The following SPATA20 variants were observed in gnomAD, a reference collection of about 807,000 sequenced individuals.
The protein encoded by SPATA20 is spermatogenesis-associated protein 20.
In SPATA20, 74 loss-of-function variants were observed where a neutral mutation model predicts 98.9. The ratio of observed to expected loss-of-function variants is 0.75; its 90% CI spans 0.62 to 0.91. The LOEUF is 0.91. Ranked by LOEUF, SPATA20 falls within the 40% of genes least tolerant of loss-of-function variation. The pLI, the probability that SPATA20 is intolerant of heterozygous loss-of-function variation, is 0.00. For synonymous variants in SPATA20, 430 were observed against 440.5 expected, an observed-to-expected ratio of 0.98 and a Z score of 0.30; for missense variants, 1,016 against 1,069.8, an observed-to-expected ratio of 0.95 and a Z score of 0.70.
In SPATA20 at chr17:50,551,663, G is replaced by A. The variant is rs1372235359; in HGVS notation, c.1729G>A (p.Gly577Arg). 1 of 1,590,852 alleles carries A rather than the reference G, an allele frequency of 6.3e-7. No individual in the cohort carries two copies. The highest frequency in any genetic ancestry group is 1.1e-5 in the South Asian group (1 of 90,596). Residue 577 changes from glycine to arginine, a missense_variant, in exon 13 of 17, where the codon GGG becomes AGG. Coordinates refer to ENST00000006658, the MANE Select transcript of SPATA20 (RefSeq NM_022827.4). ...LMRTCYTGPG[G>R]TVEHSNPPCW... is the part of the protein sequence containing the mutation. ...GCGGACCTGCTACACCGGCCCTGGG[G>A]GGACTGTGGAGCACAGGTTGGGGGC...
chr17:50,551,133 G>A lies in SPATA20; in HGVS notation c.1519G>A (p.Ala507Thr). Reference protein sequence around the residue: ...LNSGLEKLFQARKHRPKPHLD... With the variant: ...LNSGLEKLFQTRKHRPKPHLD... Reference sequence around the variant, plus strand: ...TTCAGGGCTGGAGAAGCTCTTCCAGGCCCGGAAGCATCGGCCCAAGCCGCA... The same window carrying A: ...TTCAGGGCTGGAGAAGCTCTTCCAGACCCGGAAGCATCGGCCCAAGCCGCA... The change falls in exon 12 of 17, where the codon GCC (alanine) becomes ACC (threonine). Residue 507 changes from alanine (A) to threonine (T), a missense_variant. Transcript: ENST00000006658. The A allele has an allele frequency of 6.2e-7, 1 of 1,610,758 alleles. No individual in the cohort carries two copies. The highest frequency in any genetic ancestry group is 8.5e-7 in the Non-Finnish European group (1 of 1,179,624).
chr17:50,549,608 C>CT, intron 7 of SPATA20, 121 bp downstream of exon 7: 1 of 1,032,548 alleles, frequency 9.7e-7, no homozygotes, highest in East Asian at 2.6e-5. Context: ...CAGTGACCTC[C>CT]TTGCCCCTAG....
chr17:50,548,520 G>A, intron 3 of SPATA20, 34 bp from the exon 4 acceptor site: 1 of 1,613,454 alleles, frequency 6.2e-7, no homozygotes, highest in Non-Finnish European at 8.5e-7. Flanking sequence ...GACCCCCTGG[G>A]CTACTGAGTG....
chr17:50,547,901 G>C (rs1418068531), intron 2 of SPATA20, 134 bp downstream of exon 2: 1 of 1,396,656 alleles, frequency 7.2e-7, no homozygotes, highest in Admixed American at 2.0e-5. Flanking sequence ...GCCACACCCA[G>C]GCCTGCCAGA....
At chr17:50,549,215 C>T in intron 6 of SPATA20, 29 bp downstream of exon 6, 1 of 1,593,854 alleles carries the variant, frequency 6.3e-7, no homozygotes. Context: ...GTTGGGGGAC[C>T]AGGGTGGGGG....
At chr17:50,549,524 C>A in intron 7 of SPATA20, 37 bp downstream of exon 7, 3 of 1,583,080 alleles carry the variant, frequency 1.9e-6, no homozygotes, top group Non-Finnish European at 1.7e-6. Context: ...CAGGCTTTGG[C>A]CTTCTGATTC....
At chr17:50,553,559 CT>C (rs553958151) in intron 14 of SPATA20, among the ~76,000 whole-genome samples, 60,452 of 141,060 alleles carry the variant, frequency 0.43, 13,921 homozygotes, top group African/African-American at 0.63. Flanking sequence ...CGGAAGCCGT[CT>C]TTTTTTTTTT....
rs2144071836 is a variant in SPATA20, at chr17:50,554,441, C to A, written c.2148C>A (p.Thr716=). ...GCGCCCTCTCAGCCCAGCAGCAGAC[C>A]CTCAAGCAGGTGGGGGGTGAGGGCA... is the stretch of plus-strand genomic sequence containing the variant. ...MVRALSAQQQ[T]LKQIVICGDR... Residue 716 remains threonine (T), a synonymous_variant, in exon 15 of 17, where the codon ACC becomes ACA. Transcript: ENST00000006658. 6.2e-7 allele frequency: 1 copy of A among 1,611,214 alleles called. No individual in the cohort carries two copies. The highest frequency in any genetic ancestry group is 1.6e-4 in the Middle Eastern group (1 of 6,062).
intron 14 of SPATA20, among the ~76,000 whole-genome samples, chr17:50,552,501 C>G (rs2035032714): frequency 6.7e-6 from 1 of 149,458 alleles, no homozygotes; most frequent in East Asian, 2.0e-4. Context: ...TTTTTATTTC[C>G]TTTCTCTTTC....
intron 13 of SPATA20, 61 bp from the exon 14 acceptor site, chr17:50,551,908 C>G: frequency 1.4e-6 from 2 of 1,459,464 alleles, no homozygotes; most frequent in South Asian, 1.3e-5. Flanking sequence ...AGGGCCTCCT[C>G]TGGGAAAGGC....
chr17:50,554,405 C>A lies in SPATA20; in HGVS notation c.2112C>A (p.Pro704=). The change falls in exon 15 of 17, where the codon CCC becomes CCA. Residue 704 remains proline, a synonymous_variant. Transcript: ENST00000006658. ...TGCGTCGTGTCCCGGTGGCGTTGCC[C>A]GAGATGGTCCGCGCCCTCTCAGCCC... ...ERMRRVPVAL[P]EMVRALSAQQ... 1 of 1,613,600 alleles carries A rather than the reference C, an allele frequency of 6.2e-7. No homozygotes were observed. Among genetic ancestry groups the A allele is most frequent in the African/African-American group, 1.3e-5 (1 of 75,000 alleles).
chr17:50,548,701 C>A, intron 4 of SPATA20, 83 bp downstream of exon 4: 1 of 1,587,166 alleles, frequency 6.3e-7, no homozygotes, highest in South Asian at 1.1e-5. Context: ...CCTGGCGGGT[C>A]TTCCAGGAGA....
In SPATA20 at chr17:50,551,060, T is replaced by C; in HGVS notation, c.1446T>C (p.Thr482=). 6.2e-7 allele frequency: 1 copy of C among 1,613,436 alleles called. No individual in the cohort carries two copies. The highest frequency in any genetic ancestry group is 8.5e-7 in the Non-Finnish European group (1 of 1,180,008). Residue 482 remains threonine (T), a synonymous_variant, in exon 12 of 17, where the codon ACT becomes ACC. Transcript: ENST00000006658. The part of the protein sequence containing the change: ...VLTVRYSLEL[T]AARFGLDVEA... ...CCGTCCGGTACTCGCTGGAGCTGAC[T>C]GCTGCCCGCTTTGGCTTGGATGTGG... is the stretch of plus-strand genomic sequence containing the variant.
chr17:50,549,096 C>A lies in SPATA20; in HGVS notation c.570C>A (p.Leu190=), dbSNP rs745874128. Residue 190 remains leucine (L), a synonymous_variant, in exon 6 of 17, where the codon CTC becomes CTA. Transcript: ENST00000006658. ...TGAATGTGTGGCTGACTCCCAACCT[C>A]CAGCCCTTTGTCGGGGGCACCTATT... The part of the protein sequence containing the change: ...WPMNVWLTPN[L]QPFVGGTYFP... The A allele has an allele frequency of 6.8e-6, 11 of 1,613,612 alleles. No individual in the cohort carries two copies. The highest frequency in any genetic ancestry group is 9.3e-6 in the Non-Finnish European group (11 of 1,179,962).
At chr17:50,548,988 T>G in intron 5 of SPATA20, 24 bp downstream of exon 5, 1 of 1,614,032 alleles carries the variant, frequency 6.2e-7, no homozygotes, top group Middle Eastern at 1.6e-4. Context: ...CTCGGGAGTG[T>G]ATGCGCCACA....
chr17:50,551,239 C>A, intron 12 of SPATA20, 49 bp downstream of exon 12: 2 of 1,515,114 alleles, frequency 1.3e-6, no homozygotes, highest in Non-Finnish European at 1.8e-6. Flanking sequence ...TCCCCCTTCA[C>A]AAAGCCCCTG....
intron 14 of SPATA20, among the ~76,000 whole-genome samples, chr17:50,552,565 CTT>C (rs36121212): frequency 1.1e-4 from 14 of 128,568 alleles, no homozygotes; most frequent in Non-Finnish European, 1.1e-4. Context: ...CTTTCTTTCT[CTT>C]TTTTTTTTTT....
At position 50,551,694 on chromosome 17, in the gene SPATA20, A is replaced by G. The variant is rs755267213; in HGVS notation, c.1745+15A>G. The G allele has an allele frequency of 7.0e-6, 11 of 1,581,214 alleles. No individual in the cohort carries two copies. In the South Asian group the frequency reaches 1.2e-4, roughly 18 times the overall value. On this transcript the variant is annotated intron_variant, in intron 13 of 16. Coordinates refer to ENST00000006658, the MANE Select transcript of SPATA20 (RefSeq NM_022827.4). Reference sequence around the variant, plus strand: ...GTGGAGCACAGGTTGGGGGCTGGGTAGACCGGGAGGGCCCGTCTCCCCAAC... The same window carrying G: ...GTGGAGCACAGGTTGGGGGCTGGGTGGACCGGGAGGGCCCGTCTCCCCAAC...
Position 50,550,998 on chromosome 17 carries a change from G to A in SPATA20, c.1384G>A (p.Asp462Asn). The A allele has an allele frequency of 6.2e-7, 1 of 1,613,166 alleles. No individual in the cohort carries two copies. The highest frequency in any genetic ancestry group is 1.1e-5 in the South Asian group (1 of 91,072). Residue 462 changes from aspartate (D) to asparagine (N), a missense_variant and splice_region_variant, in exon 12 of 17, where the codon GAC becomes AAC. Physicochemically the swap from Asp to Asn is conservative, Grantham distance 23. Coordinates refer to ENST00000006658, the MANE Select transcript of SPATA20 (RefSeq NM_022827.4). The part of the protein sequence containing the change: ...TEAGNISPSQ[D>N]PKGELQGQNV... ...CGCAGACAAAGGCCATTCTCCTCAG[G>A]ACCCCAAGGGGGAGCTGCAGGGCCA...
Sources: allele counts gnomAD v4.1 joint callset (sites outside exome capture counted in the v4.1 genomes callset), GRCh38; gene constraint gnomAD v4.1.1; transcripts MANE v1.5; gene names NCBI Gene and HGNC (gene_info 2026-07-23, HGNC 2026-07-21).